Variants in SOX6 observed in about 807,000 individuals in gnomAD.
The protein encoded by SOX6 is transcription factor SOX-6.
SOX6 carries 11 observed loss-of-function variants against 97.8 expected under a neutral mutation model. The ratio of observed to expected loss-of-function variants is 0.11; its 90% CI spans 0.07 to 0.19. SOX6 has a LOEUF of 0.19. Ranked by LOEUF, SOX6 falls within the 10% of genes least tolerant of loss-of-function variation. SOX6 has a pLI of 1.00. For synonymous variants in SOX6, 360 were observed against 371.4 expected, an observed-to-expected ratio of 0.97 and a Z score of 0.35; for missense variants, 810 against 1,039.5, an observed-to-expected ratio of 0.78 and a Z score of 3.04.
chr11:16,058,537 A>G (rs1169266185), intron 9 of SOX6, among the ~76,000 whole-genome samples: 1 of 152,106 alleles, frequency 6.6e-6, no homozygotes, highest in Non-Finnish European at 1.5e-5. Flanking sequence ...AATGATGCAG[A>G]AAGTCTGCTT....
intron 4 of SOX6, among the ~76,000 whole-genome samples, chr11:16,551,447 A>C (rs2133184937): frequency 6.6e-6 from 1 of 152,268 alleles, no homozygotes; most frequent in Middle Eastern, 3.4e-3. Context: ...ACTATAAATA[A>C]AAGGCAAAGA....
intron 13 of SOX6, among the ~76,000 whole-genome samples, chr11:15,994,249 A>C (rs1854154801): frequency 6.6e-6 from 1 of 152,138 alleles, no homozygotes; most frequent in Non-Finnish European, 1.5e-5. Flanking sequence ...AATATTAGGG[A>C]GGCTTCAGAG....
intron 1 of SOX6, among the ~76,000 whole-genome samples, chr11:16,345,651 T>C: frequency 6.6e-6 from 1 of 152,106 alleles, no homozygotes. Flanking sequence ...GCCCAAGACT[T>C]TATAAAATGA....
chr11:16,219,352 G>T (rs1852470494), intron 4 of SOX6, among the ~76,000 whole-genome samples: 1 of 151,892 alleles, frequency 6.6e-6, no homozygotes, highest in South Asian at 2.1e-4. Context: ...CTAAATTTTG[G>T]AACCCTATCC....
intron 3 of SOX6, among the ~76,000 whole-genome samples, chr11:16,237,678 T>C (rs1349260906): frequency 6.6e-6 from 1 of 151,796 alleles, no homozygotes; most frequent in African/African-American, 2.4e-5. Context: ...AGATTCCAAA[T>C]GGAAAAAAAG....
chr11:16,722,122 G>A (rs1390988003), intron 2 of SOX6, among the ~76,000 whole-genome samples: 1 of 151,996 alleles, frequency 6.6e-6, no homozygotes, highest in African/African-American at 2.4e-5. Context: ...ATAAGAATGG[G>A]CAAAGATTTC....
chr11:16,025,878 T>C (rs1347141827), intron 12 of SOX6, among the ~76,000 whole-genome samples: 1 of 152,104 alleles, frequency 6.6e-6, no homozygotes, highest in African/African-American at 2.4e-5. Flanking sequence ...GCTGCACAAA[T>C]AACATATATC....
intron 3 of SOX6, chr11:16,283,823 C>T (rs1378517976): frequency 5.6e-6 from 2 of 354,924 alleles, no homozygotes; most frequent in Non-Finnish European, 1.1e-5. Context: ...ATTTCAGTTA[C>T]TTTTTAAAAA....
At chr11:16,114,531 ACT>A (rs1432181942) in intron 6 of SOX6, among the ~76,000 whole-genome samples, 19 of 152,214 alleles carry the variant, frequency 1.2e-4, no homozygotes, top group Non-Finnish European at 1.5e-5. Context: ...CATATTCAGG[ACT>A]AGAAATTATC....
At chr11:16,132,401 A>AGAAAG (rs34012369) in intron 6 of SOX6, among the ~76,000 whole-genome samples, 2 of 43,842 alleles carry the variant, frequency 4.6e-5, no homozygotes, top group African/African-American at 2.2e-4. Context: ...AAAGAAAGAA[A>AGAAAG]AAAGAAAGAA....
intron 4 of SOX6, among the ~76,000 whole-genome samples, chr11:16,545,970 T>C (rs1847616362): frequency 6.6e-6 from 1 of 151,966 alleles, no homozygotes; most frequent in Non-Finnish European, 1.5e-5. Flanking sequence ...AATAAATAAA[T>C]ACTCTTACCT....
intron 2 of SOX6, among the ~76,000 whole-genome samples, chr11:16,335,061 C>G (rs1856416617): frequency 6.6e-6 from 1 of 152,090 alleles, no homozygotes; most frequent in South Asian, 2.1e-4. Flanking sequence ...TTGCCAGATT[C>G]CATGCAATAA....
intron 1 of SOX6, among the ~76,000 whole-genome samples, chr11:16,422,645 G>T (rs1347455461): frequency 2.0e-5 from 3 of 152,092 alleles, no homozygotes; most frequent in African/African-American, 7.2e-5. Context: ...ACTGCACAAG[G>T]GTGCCCAGCT....
intron 9 of SOX6, among the ~76,000 whole-genome samples, chr11:16,080,744 T>C (rs1183255035): frequency 6.6e-6 from 1 of 152,110 alleles, no homozygotes; most frequent in Non-Finnish European, 1.5e-5. Context: ...ATATAATAAA[T>C]GGTATAATGG....
chr11:16,208,463 C>T (rs1399909148), intron 4 of SOX6, among the ~76,000 whole-genome samples: 3 of 152,212 alleles, frequency 2.0e-5, no homozygotes, highest in Admixed American at 2.0e-4. Context: ...AAGGCAGTGG[C>T]ACTCAACTGT....
intron 2 of SOX6, among the ~76,000 whole-genome samples, chr11:16,326,792 T>C (rs1856107102): frequency 2.6e-5 from 4 of 152,208 alleles, no homozygotes; most frequent in Admixed American, 2.0e-4. Flanking sequence ...TTTTGGAGCA[T>C]CTGGGCTGGG....
At chr11:16,527,183 C>T (rs1183897866) in intron 4 of SOX6, among the ~76,000 whole-genome samples, 7 of 148,032 alleles carry the variant, frequency 4.7e-5, no homozygotes, top group Non-Finnish European at 5.9e-5. Context: ...AAAAAAAAAT[C>T]AACCTAGGCA....
chr11:16,281,321 T>C (rs533430698), intron 3 of SOX6, among the ~76,000 whole-genome samples: 1 of 152,158 alleles, frequency 6.6e-6, no homozygotes, highest in East Asian at 1.9e-4. Flanking sequence ...TCTCTCCGAG[T>C]AACAGAGACC....
chr11:16,239,961 A>G (rs1853135728), intron 3 of SOX6, among the ~76,000 whole-genome samples: 1 of 152,112 alleles, frequency 6.6e-6, no homozygotes, highest in South Asian at 2.1e-4. Flanking sequence ...CCAAAACTTT[A>G]AAACAATTAA....
Sources: allele counts gnomAD v4.1 joint callset (sites outside exome capture counted in the v4.1 genomes callset), GRCh38; gene constraint gnomAD v4.1.1; transcripts MANE v1.5; gene names NCBI Gene and HGNC (gene_info 2026-07-23, HGNC 2026-07-21).